The following SOCS5 variants were observed in gnomAD, a reference collection of about 807,000 sequenced individuals.
SOCS5 encodes the protein suppressor of cytokine signaling 5, also known as CIS-6.
Under a neutral mutation model 42.8 loss-of-function variants are expected in SOCS5, and 32 were observed. The observed-to-expected ratio is 0.75, with a 90% CI of 0.56 to 1.01. The LOEUF is 1.01. SOCS5 is among the 50% of genes least tolerant of loss of function. The pLI is 0.00. For missense variants in SOCS5, 627 were observed against 653.0 expected (o/e 0.96, Z 0.43); for synonymous variants, 283 against 229.6 (o/e 1.23, Z -2.10).
At chr2:46,747,714 G>GC (rs1409621445) in intron 1 of SOCS5, among the ~76,000 whole-genome samples, 1 of 152,148 alleles carries the variant, frequency 6.6e-6, no homozygotes, top group Non-Finnish European at 1.5e-5. Flanking sequence ...TTTCTAAGCT[G>GC]CTATGCCCTT....
chr2:46,738,265 G>A (rs749803069), intron 1 of SOCS5, among the ~76,000 whole-genome samples: 1 of 152,286 alleles, frequency 6.6e-6, no homozygotes, highest in South Asian at 2.1e-4. Flanking sequence ...GAAGACAGGA[G>A]AGAGACTAAG....
At chr2:46,703,030 A>C (rs41379148) in intron 1 of SOCS5, among the ~76,000 whole-genome samples, 3 of 152,164 alleles carry the variant, frequency 2.0e-5, no homozygotes, top group African/African-American at 7.2e-5. Context: ...CTTATCTGTC[A>C]TGCAAGAGCT....
rs1186274628 is a variant in SOCS5, at chr2:46,759,763, G to A, written c.1233G>A (p.Glu411=). 2 of 1,614,054 alleles carry A rather than the reference G, an allele frequency of 1.2e-6. No individual in the cohort carries two copies. The change falls in exon 2 of 2, where the codon GAG becomes GAA. Residue 411 remains glutamate (E), a synonymous_variant. Transcript: ENST00000394861. The part of the protein sequence containing the change: ...GTFLLRDSAQ[E]DYLFSVSFRR... ...TTTTGCTCAGGGACTCTGCGCAAGA[G>A]GACTACCTCTTCTCTGTGAGCTTCC...
chr2:46,701,664 C>G (rs1335911259), intron 1 of SOCS5, among the ~76,000 whole-genome samples: 7 of 151,490 alleles, frequency 4.6e-5, no homozygotes, highest in Admixed American at 4.0e-4. Flanking sequence ...TTTTGTAAAA[C>G]TGGGTGAGCT....
chr2:46,762,878 A>T lies in SOCS5; in HGVS notation c.*2737A>T, dbSNP rs2103772371. 1 of 166,896 alleles carries T rather than the reference A, an allele frequency of 6.0e-6. No homozygotes were observed. Among genetic ancestry groups the T allele is most frequent in the Middle Eastern group, 3.4e-3 (1 of 296 alleles). The allele number at this position is 166,896 out of a possible 1,614,324, so 10.3% of individuals were successfully genotyped here. ...ATTCATTTTCTTCATTCCCTTACAC[A>T]CACACACACACCTCTCCCTTCCGCA... On this transcript the variant is annotated 3_prime_UTR_variant, in exon 2 of 2. Coordinates refer to ENST00000394861, the MANE Select transcript of SOCS5 (RefSeq NM_144949.3).
intron 1 of SOCS5, among the ~76,000 whole-genome samples, chr2:46,748,339 C>A (rs1047710656): frequency 2.6e-5 from 4 of 151,996 alleles, no homozygotes; most frequent in Non-Finnish European, 5.9e-5. Context: ...ATGCATGCCA[C>A]TTGGCCTGGC....
At chr2:46,746,978 C>A (rs1452348554) in intron 1 of SOCS5, among the ~76,000 whole-genome samples, 1 of 69,822 alleles carries the variant, frequency 1.4e-5, no homozygotes, top group East Asian at 4.5e-4. Context: ...CTCTTTTGAT[C>A]TCTTGTTCTG....
intron 1 of SOCS5, among the ~76,000 whole-genome samples, chr2:46,708,490 T>G (rs1047295770): frequency 6.6e-6 from 1 of 152,206 alleles, no homozygotes; most frequent in Non-Finnish European, 1.5e-5. Flanking sequence ...GGCATATATT[T>G]TGTAGCTGAA....
At chr2:46,709,048 G>A (rs1264465816) in intron 1 of SOCS5, among the ~76,000 whole-genome samples, 2 of 151,946 alleles carry the variant, frequency 1.3e-5, no homozygotes, top group East Asian at 1.9e-4. Flanking sequence ...CACCACGCCT[G>A]GCTAATTTTT....
At position 46,731,776 on chromosome 2, in the gene SOCS5, T is replaced by TA. The variant is rs530984908; in HGVS notation, c.-12-26741dup. Among the ~76,000 whole-genome samples the TA allele has an allele frequency of 2.7e-4, 41 of 152,148 alleles. 1 individual carries two copies. In the East Asian group the frequency reaches 7.7e-3, roughly 29 times the overall value. On this transcript the variant is annotated intron_variant, in intron 1 of 1. Coordinates refer to ENST00000394861, the MANE Select transcript of SOCS5 (RefSeq NM_144949.3). ...GCACAACCCATAAAAGTTTCATCAG[T>TA]AACACATTTTTAAAAGAAATAGGAA...
At chr2:46,722,872 T>C (rs984600723) in intron 1 of SOCS5, among the ~76,000 whole-genome samples, 2 of 152,156 alleles carry the variant, frequency 1.3e-5, no homozygotes, top group African/African-American at 4.8e-5. Context: ...TTTGTTCTTA[T>C]GTCATTTTGG....
intron 1 of SOCS5, among the ~76,000 whole-genome samples, chr2:46,757,443 C>T (rs1412437674): frequency 6.6e-6 from 1 of 151,930 alleles, no homozygotes; most frequent in Non-Finnish European, 1.5e-5. Flanking sequence ...TTTTAAGGAA[C>T]AAGAATAAAG....
chr2:46,747,312 C>T (rs1323354029), intron 1 of SOCS5, among the ~76,000 whole-genome samples: 1 of 152,054 alleles, frequency 6.6e-6, no homozygotes, highest in Non-Finnish European at 1.5e-5. Flanking sequence ...CCTTTACCTC[C>T]TGGGCTCAAG....
At chr2:46,747,285 G>T (rs992710647) in intron 1 of SOCS5, among the ~76,000 whole-genome samples, 4 of 152,004 alleles carry the variant, frequency 2.6e-5, no homozygotes, top group African/African-American at 9.7e-5. Context: ...TGATAGTGCA[G>T]TCACAGCTCA....
chr2:46,734,643 A>T (rs186416884), intron 1 of SOCS5, among the ~76,000 whole-genome samples: 2 of 152,330 alleles, frequency 1.3e-5, no homozygotes, highest in East Asian at 3.9e-4. Flanking sequence ...TTACTAAAAT[A>T]ATAATGTACC....
intron 1 of SOCS5, among the ~76,000 whole-genome samples, chr2:46,725,981 T>C (rs1672981797): frequency 6.6e-6 from 1 of 152,212 alleles, no homozygotes; most frequent in African/African-American, 2.4e-5. Flanking sequence ...TATTCCCCTA[T>C]AAGTAATGCG....
Position 46,704,032 on chromosome 2 carries a change from A to G in SOCS5, c.-13+4583A>G, listed in dbSNP as rs184847742. On this transcript the variant is annotated intron_variant, in intron 1 of 1. Transcript: ENST00000394861. ...GATTTCAGAGAGACCATACTGTATT[A>G]TGAAATATAATATAGCAAGAATATA... is the stretch of plus-strand genomic sequence containing the variant. Among the ~76,000 whole-genome samples the G allele has an allele frequency of 9.6e-3, 1,459 of 152,320 alleles. 13 individuals are homozygous for G. Among genetic ancestry groups the G allele is most frequent in the Admixed American group, 0.016 (243 of 15,302 alleles).
At chr2:46,746,339 A>C (rs762909730) in intron 1 of SOCS5, among the ~76,000 whole-genome samples, 5 of 152,150 alleles carry the variant, frequency 3.3e-5, no homozygotes, top group Non-Finnish European at 5.9e-5. Flanking sequence ...CTGCCATTTG[A>C]ATCTTCTCCT....
intron 1 of SOCS5, among the ~76,000 whole-genome samples, chr2:46,710,693 T>G (rs1672601234): frequency 6.6e-6 from 1 of 152,170 alleles, no homozygotes; most frequent in Admixed American, 6.5e-5. Flanking sequence ...CTTTCTACAC[T>G]AAAAAAGAAA....
Sources: gnomAD v4.1 joint callset for allele counts (sites outside exome capture counted in the v4.1 genomes callset) on GRCh38, gnomAD v4.1.1 for gene constraint, MANE v1.5 for transcripts, NCBI Gene and HGNC (gene_info 2026-07-23, HGNC 2026-07-21) for gene names.